Variants in PPP1R7 observed in about 807,000 individuals in gnomAD.
The protein encoded by PPP1R7 is protein phosphatase 1 regulatory subunit 7, also known as protein phosphatase 1 regulatory subunit 22.
Under a neutral mutation model 45.2 loss-of-function variants are expected in PPP1R7, and 18 were observed. That is an observed-to-expected ratio of 0.40 (90% CI 0.28 to 0.59). The LOEUF is 0.59. Among genes scored for constraint, PPP1R7 ranks in the 20% least tolerant of loss-of-function variants. PPP1R7 has a pLI of 0.46. For missense variants in PPP1R7, 314 were observed against 455.8 expected, an observed-to-expected ratio of 0.69 and a Z score of 2.83; for synonymous variants, 181 against 183.4, an observed-to-expected ratio of 0.99 and a Z score of 0.11.
At chr2:241,179,406 A>G (rs1393247831) in intron 9 of PPP1R7, among the ~76,000 whole-genome samples, 1 of 152,226 alleles carries the variant, frequency 6.6e-6, no homozygotes, top group Non-Finnish European at 1.5e-5. Flanking sequence ...TGTGCAGTAT[A>G]CCTACCAAAA....
At position 241,163,406 on chromosome 2, in the gene PPP1R7, G is replaced by A. The variant is rs1363069995; in HGVS notation, c.714+5G>A. 6.3e-6 allele frequency: 10 copies of A among 1,595,206 alleles called. No individual in the cohort carries two copies. The highest frequency in any genetic ancestry group is 2.2e-5 in the East Asian group (1 of 44,798). Reference sequence around the variant, plus strand: ...CTGACAGTCCTCAGTATGCAGGTACGGAGCTTCCTGAGCCGCCCTTCCCTG... The same window carrying A: ...CTGACAGTCCTCAGTATGCAGGTACAGAGCTTCCTGAGCCGCCCTTCCCTG... On this transcript the variant is annotated splice_donor_5th_base_variant and intron_variant, in intron 7 of 9. Transcript: ENST00000234038.
intron 5 of PPP1R7, 117 bp from the exon 6 acceptor site, chr2:241,160,215 C>T (rs1000405882): frequency 1.4e-6 from 1 of 732,906 alleles, no homozygotes; most frequent in Non-Finnish European, 2.1e-6. Context: ...CACCCTCTCC[C>T]ACCCGGTAGT....
upstream of PPP1R7, chr2:241,150,349 T>C: frequency 7.6e-7 from 1 of 1,324,494 alleles, no homozygotes; most frequent in South Asian, 2.1e-5. Flanking sequence ...GAACTACAAC[T>C]CCCATGAGGC....
At chr2:241,154,192 A>G (rs1430630003) in intron 2 of PPP1R7, among the ~76,000 whole-genome samples, 1 of 151,350 alleles carries the variant, frequency 6.6e-6, no homozygotes, top group East Asian at 1.9e-4. Context: ...AAAAAAAAAA[A>G]AAAAAAAAAA....
intron 5 of PPP1R7, 130 bp downstream of exon 5, chr2:241,159,473 C>T: frequency 5.9e-6 from 7 of 1,192,344 alleles, no homozygotes; most frequent in Non-Finnish European, 6.9e-6. Flanking sequence ...GGGTCCTGCC[C>T]TGCATCTGAA....
At chr2:241,165,328 G>C (rs889144385) in intron 7 of PPP1R7, among the ~76,000 whole-genome samples, 1 of 151,856 alleles carries the variant, frequency 6.6e-6, no homozygotes, top group Admixed American at 6.6e-5. Context: ...CACCACGCCC[G>C]GCTAATTTTT....
At chr2:241,180,388 T>TAAAAA (rs58267372) in intron 9 of PPP1R7, among the ~76,000 whole-genome samples, 167 of 99,968 alleles carry the variant, frequency 1.7e-3, no homozygotes, top group South Asian at 8.3e-3. Context: ...GCTGGTGAGC[T>TAAAAA]AAAAAAAAAA....
chr2:241,149,679 C>A (rs1001949053), upstream of PPP1R7: 2 of 1,548,346 alleles, frequency 1.3e-6, no homozygotes, highest in South Asian at 1.2e-5. Flanking sequence ...CGGGCAGATG[C>A]GGTTTCCTCC....
rs1270386355 is a variant in PPP1R7, at chr2:241,182,627, T to C, written c.907-20T>C. 6.2e-7 allele frequency: 1 copy of C among 1,613,244 alleles called. No individual in the cohort carries two copies. The highest frequency in any genetic ancestry group is 2.2e-5 in the East Asian group (1 of 44,864). ...TGGGCTGTTTGGTTCTAAAGGCTTT[T>C]CTGCTGTGTGTGTCCCCAGATGAAC... is the stretch of plus-strand genomic sequence containing the variant. On this transcript the variant is annotated intron_variant, in intron 9 of 9. Transcript: ENST00000234038.
At chr2:241,181,579 A>G (rs2068007417) in intron 9 of PPP1R7, among the ~76,000 whole-genome samples, 1 of 152,098 alleles carries the variant, frequency 6.6e-6, no homozygotes, top group Admixed American at 6.5e-5. Flanking sequence ...TGTGCAGAGC[A>G]GAGGTCCAGA....
intron 3 of PPP1R7, 100 bp downstream of exon 3, chr2:241,157,962 CT>C: frequency 8.0e-7 from 1 of 1,242,612 alleles, no homozygotes; most frequent in Non-Finnish European, 1.2e-6. Context: ...GAGAGGTGGC[CT>C]AAGCCTCCCT....
At chr2:241,160,823 A>G (rs925943337) in intron 6 of PPP1R7, among the ~76,000 whole-genome samples, 1 of 152,204 alleles carries the variant, frequency 6.6e-6, no homozygotes, top group Non-Finnish European at 1.5e-5. Context: ...GAACTTCCTC[A>G]TGGTCATCTT....
At chr2:241,166,625 G>A (rs2067717133) in intron 8 of PPP1R7, among the ~76,000 whole-genome samples, 184 bp downstream of exon 8, 1 of 152,230 alleles carries the variant, frequency 6.6e-6, no homozygotes, top group Non-Finnish European at 1.5e-5. Context: ...ACTGAAAAGT[G>A]CAGGAGCTGT....
Position 241,182,969 on chromosome 2 carries a change from C to A in PPP1R7, c.*146C>A. On this transcript the variant is annotated 3_prime_UTR_variant, in exon 10 of 10. Coordinates refer to ENST00000234038, the MANE Select transcript of PPP1R7 (RefSeq NM_002712.3). ...AAAGGCACTGACGATAGCTGGCGCG[C>A]GCGACGTCACACACCATTTTCAGAT... 3 of 856,332 alleles carry A rather than the reference C, an allele frequency of 3.5e-6. No homozygotes were observed. Among genetic ancestry groups the A allele is most frequent in the Non-Finnish European group, 5.3e-6 (3 of 568,510 alleles). 53.0% of individuals were successfully genotyped at this position (856,332 alleles called of 1,614,324 possible).
chr2:241,175,824 C>T (rs1019664107), intron 9 of PPP1R7, among the ~76,000 whole-genome samples: 1 of 152,152 alleles, frequency 6.6e-6, no homozygotes, highest in Non-Finnish European at 1.5e-5. Context: ...GCTCTTGTCA[C>T]CCAGGCTGGA....
chr2:241,151,069 A>G (rs991053048), intron 1 of PPP1R7, among the ~76,000 whole-genome samples: 1 of 152,258 alleles, frequency 6.6e-6, no homozygotes, highest in Non-Finnish European at 1.5e-5. Flanking sequence ...TCATAGTTCC[A>G]AAAAGTCTGA....
chr2:241,158,378 G>C, intron 3 of PPP1R7, 106 bp from the exon 4 acceptor site: 1 of 1,005,780 alleles, frequency 9.9e-7, no homozygotes, highest in Non-Finnish European at 1.6e-6. Flanking sequence ...GACCCACCTG[G>C]CACTGCCTCC....
intron 4 of PPP1R7, 119 bp from the exon 5 acceptor site, chr2:241,159,094 G>A (rs901657866): frequency 5.6e-6 from 7 of 1,255,234 alleles, no homozygotes; most frequent in Non-Finnish European, 6.7e-6. Flanking sequence ...GGAAACAGCA[G>A]GAGAATGAAG....
intron 9 of PPP1R7, among the ~76,000 whole-genome samples, chr2:241,176,834 A>G (rs2067916586): frequency 6.6e-6 from 1 of 152,254 alleles, no homozygotes; most frequent in Non-Finnish European, 1.5e-5. Context: ...GAAGACTCAT[A>G]GAATGCAGCT....
Sources: gnomAD v4.1 joint callset for allele counts (sites outside exome capture counted in the v4.1 genomes callset) on GRCh38, gnomAD v4.1.1 for gene constraint, MANE v1.5 for transcripts, NCBI Gene and HGNC (gene_info 2026-07-23, HGNC 2026-07-21) for gene names.